Variants in MGAT4C observed in about 807,000 individuals in gnomAD.
The protein encoded by MGAT4C is MGAT4 family member C, also known as alpha-1,3-mannosyl-glycoprotein 4-beta-N-acetylglucosaminyltransferase C.
A neutral mutation model predicts 40.1 loss-of-function variants in MGAT4C; 19 were observed. The ratio of observed to expected loss-of-function variants is 0.47; its 90% CI spans 0.33 to 0.70. MGAT4C has a LOEUF of 0.70. Among genes scored for constraint, MGAT4C ranks in the 30% least tolerant of loss-of-function variants. The pLI is 0.02. For synonymous variants in MGAT4C, 181 were observed against 187.1 expected (o/e 0.97, Z 0.27); for missense variants, 491 against 563.2 (o/e 0.87, Z 1.30).
chr12:86,012,593 GA>G (rs899329753), intron 2 of MGAT4C, among the ~76,000 whole-genome samples: 2 of 150,558 alleles, frequency 1.3e-5, no homozygotes, highest in African/African-American at 4.9e-5. Flanking sequence ...ATACAAAAAA[GA>G]AAAAAAAATT....
At chr12:86,498,760 C>T (rs1040679918) in intron 2 of MGAT4C, among the ~76,000 whole-genome samples, 7 of 151,952 alleles carry the variant, frequency 4.6e-5, no homozygotes, top group Non-Finnish European at 1.0e-4. Context: ...TTTACCTCTT[C>T]AGTAAGTTGC....
At chr12:86,309,685 G>A (rs1489849105) in intron 4 of MGAT4C, among the ~76,000 whole-genome samples, 1 of 152,220 alleles carries the variant, frequency 6.6e-6, no homozygotes, top group Non-Finnish European at 1.5e-5. Flanking sequence ...CAACAGGTTA[G>A]TAAAAGCAAA....
chr12:86,574,063 TA>T (rs75521369), intron 2 of MGAT4C, among the ~76,000 whole-genome samples: 25 of 150,762 alleles, frequency 1.7e-4, no homozygotes, highest in Middle Eastern at 3.4e-3. Flanking sequence ...TTTCATTTCC[TA>T]AAAAAAAACC....
At chr12:86,283,001 G>A (rs1056518184) in intron 4 of MGAT4C, among the ~76,000 whole-genome samples, 1 of 151,634 alleles carries the variant, frequency 6.6e-6, no homozygotes, top group Non-Finnish European at 1.5e-5. Context: ...TATCATCTTG[G>A]GCATGTGCAA....
intron 2 of MGAT4C, among the ~76,000 whole-genome samples, chr12:86,542,938 T>C (rs924523610): frequency 2.0e-5 from 3 of 152,180 alleles, no homozygotes; most frequent in Non-Finnish European, 4.4e-5. Flanking sequence ...TATATTCAAA[T>C]ATAGTTTTTG....
chr12:86,064,599 C>G (rs780527070), intron 1 of MGAT4C, among the ~76,000 whole-genome samples: 1 of 151,996 alleles, frequency 6.6e-6, no homozygotes, highest in Non-Finnish European at 1.5e-5. Context: ...GTAACTGCCA[C>G]AAGAGAAAGC....
chr12:86,268,700 C>T (rs1031611267), intron 4 of MGAT4C, among the ~76,000 whole-genome samples: 2 of 145,254 alleles, frequency 1.4e-5, no homozygotes, highest in African/African-American at 2.5e-5. Flanking sequence ...TATATATACA[C>T]ATATATATAT....
At chr12:86,630,901 C>T (rs1236162531) in intron 2 of MGAT4C, among the ~76,000 whole-genome samples, 4 of 151,946 alleles carry the variant, frequency 2.6e-5, no homozygotes, top group African/African-American at 4.8e-5. Flanking sequence ...AAGTTCAGGC[C>T]GGGGCAATCA....
chr12:86,130,746 A>C lies in MGAT4C; in HGVS notation c.-56-81023T>G, dbSNP rs376330185. 8.3e-4 allele frequency among the ~76,000 whole-genome samples: 126 copies of C among 152,164 alleles called. No individual in the cohort carries two copies. In the South Asian group the frequency reaches 0.025, roughly 30 times the overall value. On this transcript the variant is annotated intron_variant, in intron 1 of 4. Transcript: ENST00000611864. ...AAATTTATGTTGGTATCTGGATTCA[A>C]TATTTATTTTAAATTTATAAATTTT...
chr12:86,550,116 T>C (rs1407889902), intron 2 of MGAT4C, among the ~76,000 whole-genome samples: 2 of 152,138 alleles, frequency 1.3e-5, no homozygotes, highest in Non-Finnish European at 2.9e-5. Flanking sequence ...CCCTTCACTT[T>C]CCCTCTCTTT....
intron 1 of MGAT4C, among the ~76,000 whole-genome samples, chr12:86,067,922 T>A (rs1894713298): frequency 6.6e-6 from 1 of 152,106 alleles, no homozygotes; most frequent in African/African-American, 2.4e-5. Flanking sequence ...TGAGGTGTTA[T>A]CTCGTCATCA....
intron 2 of MGAT4C, among the ~76,000 whole-genome samples, chr12:86,455,121 TGA>T (rs958684363): frequency 2.0e-5 from 3 of 152,126 alleles, no homozygotes; most frequent in African/African-American, 7.2e-5. Context: ...AAAACCTCTA[TGA>T]GTTTAGGAAA....
intron 1 of MGAT4C, among the ~76,000 whole-genome samples, chr12:86,175,466 A>G (rs1257461145): frequency 2.0e-5 from 3 of 152,158 alleles, no homozygotes; most frequent in Non-Finnish European, 2.9e-5. Context: ...ACATGGACCA[A>G]TGAAATATTA....
chr12:86,413,764 G>A (rs968399400), intron 3 of MGAT4C, among the ~76,000 whole-genome samples: 1 of 152,144 alleles, frequency 6.6e-6, no homozygotes, highest in African/African-American at 2.4e-5. Context: ...AAACTGGTCA[G>A]CAAGTGTGTG....
intron 1 of MGAT4C, among the ~76,000 whole-genome samples, chr12:86,142,491 T>C (rs1381177344): frequency 1.3e-5 from 2 of 152,214 alleles, no homozygotes; most frequent in Non-Finnish European, 2.9e-5. Flanking sequence ...ATCTATTATC[T>C]GTAATCTCAG....
chr12:86,817,724 G>T (rs1301291415), intron 1 of MGAT4C, among the ~76,000 whole-genome samples: 1 of 151,432 alleles, frequency 6.6e-6, no homozygotes, highest in Non-Finnish European at 1.5e-5. Context: ...TGCAAAGTTT[G>T]TCATCTCAGA....
At chr12:86,191,932 A>C (rs1889549997) in intron 1 of MGAT4C, among the ~76,000 whole-genome samples, 1 of 150,794 alleles carries the variant, frequency 6.6e-6, no homozygotes, top group African/African-American at 2.4e-5. Flanking sequence ...GGGTGAGTTC[A>C]TGTCTTTTGT....
intron 1 of MGAT4C, among the ~76,000 whole-genome samples, chr12:86,133,357 AT>A (rs1206925404): frequency 1.3e-5 from 2 of 152,208 alleles, no homozygotes; most frequent in South Asian, 2.1e-4. Context: ...CAGTATCCTT[AT>A]TTGTAAATGA....
chr12:86,815,631 A>T (rs1013571814), intron 1 of MGAT4C, among the ~76,000 whole-genome samples: 33 of 151,222 alleles, frequency 2.2e-4, no homozygotes, highest in African/African-American at 7.0e-4. Context: ...CTGTGATATT[A>T]TATAATATTA....
Sources: allele counts gnomAD v4.1 joint callset (sites outside exome capture counted in the v4.1 genomes callset), GRCh38; gene constraint gnomAD v4.1.1; transcripts MANE v1.5; gene names NCBI Gene and HGNC (gene_info 2026-07-23, HGNC 2026-07-21).